The following TMEM266 variants were observed in gnomAD, a reference collection of about 807,000 sequenced individuals.
The protein encoded by TMEM266 is Hv1 related protein 1.
A neutral mutation model predicts 50.5 loss-of-function variants in TMEM266; 33 were observed. The observed-to-expected ratio is 0.65, with a 90% CI of 0.50 to 0.87. TMEM266 has a LOEUF of 0.87. Among genes scored for constraint, TMEM266 ranks in the 40% least tolerant of loss-of-function variants. TMEM266 has a pLI of 0.00. For synonymous variants in TMEM266, 310 were observed against 292.3 expected, an observed-to-expected ratio of 1.06 and a Z score of -0.62; for missense variants, 655 against 695.1, an observed-to-expected ratio of 0.94 and a Z score of 0.65.
chr15:76,159,931 C>A (rs1273903346), intron 4 of TMEM266, among the ~76,000 whole-genome samples, 164 bp from the exon 5 acceptor site: 2 of 152,166 alleles, frequency 1.3e-5, no homozygotes, highest in Non-Finnish European at 2.9e-5. Flanking sequence ...ACTGCAGACG[C>A]CAGCTGAAGC....
intron 1 of TMEM266, among the ~76,000 whole-genome samples, chr15:76,127,102 T>C (rs1413158555): frequency 1.3e-5 from 2 of 152,138 alleles, no homozygotes; most frequent in African/African-American, 4.8e-5. Context: ...AAATCTCCAG[T>C]ATTCTCATTA....
chr15:76,112,497 C>T (rs1021468911), intron 1 of TMEM266: 2 of 152,072 alleles, frequency 1.3e-5, no homozygotes, highest in African/African-American at 4.8e-5. Context: ...CAAATTATTC[C>T]AAGAGAAGAT....
intron 1 of TMEM266, among the ~76,000 whole-genome samples, chr15:76,132,140 G>A (rs1175579806): frequency 1.3e-5 from 2 of 149,818 alleles, no homozygotes; most frequent in South Asian, 2.1e-4. Flanking sequence ...ATGGAGTCTC[G>A]CTCTGTCGCC....
chr15:76,202,242 G>A lies in TMEM266; in HGVS notation c.999G>A (p.Gln333=), dbSNP rs1345428748. 6.2e-7 allele frequency: 1 copy of A among 1,613,960 alleles called. No homozygotes were observed. Among genetic ancestry groups the A allele is most frequent in the South Asian group, 1.1e-5 (1 of 91,060 alleles). Residue 333 remains glutamine (Q), a synonymous_variant, in exon 10 of 11, where the codon CAG becomes CAA. Transcript: ENST00000388942. ...ACGACATGAACAGCTACATCAGTCA[G>A]TATTACAATGGGCCCAGCAGTGGTA...
At chr15:76,114,260 T>C (rs2955762) in intron 1 of TMEM266, 61,059 of 152,046 alleles carry the variant, frequency 0.4, 13,310 homozygotes, top group East Asian at 0.61. Context: ...TGGCTCATGC[T>C]TATAATCCCA....
chr15:76,089,093 C>CAA (rs1213055800), intron 1 of TMEM266, among the ~76,000 whole-genome samples: 9,833 of 45,010 alleles, frequency 0.22, 2,157 homozygotes, highest in African/African-American at 0.33. Flanking sequence ...GACTCTGTCT[C>CAA]AAAAAAAAAA....
At chr15:76,147,127 G>T (rs992533507) in intron 3 of TMEM266, among the ~76,000 whole-genome samples, 2 of 152,198 alleles carry the variant, frequency 1.3e-5, no homozygotes, top group African/African-American at 4.8e-5. Flanking sequence ...CTGTGGAGTC[G>T]AGGAAGAGCT....
rs539849584 is a variant in TMEM266, at chr15:76,072,546, G to A, written c.-97+12530G>A. Reference sequence around the variant, plus strand: ...CTAGGAGTGAGCCTCTGGACAAGTCGCTTCACTTTTCTGGGTCCTGGCATC... The same window carrying A: ...CTAGGAGTGAGCCTCTGGACAAGTCACTTCACTTTTCTGGGTCCTGGCATC... On this transcript the variant is annotated intron_variant, in intron 1 of 10. Coordinates refer to ENST00000388942, the MANE Select transcript of TMEM266 (RefSeq NM_152335.3). Among the ~76,000 whole-genome samples, 183 of 151,858 alleles carry A rather than the reference G, an allele frequency of 1.2e-3. 1 individual carries two copies. Among genetic ancestry groups the A allele is most frequent in the African/African-American group, 4.1e-3 (171 of 41,378 alleles).
At chr15:76,156,216 C>G (rs1409437074) in intron 3 of TMEM266, among the ~76,000 whole-genome samples, 1 of 152,090 alleles carries the variant, frequency 6.6e-6, no homozygotes, top group Non-Finnish European at 1.5e-5. Flanking sequence ...AAAAATTAGC[C>G]GGGCATGGTG....
chr15:76,067,922 A>C (rs1183600867), intron 1 of TMEM266, among the ~76,000 whole-genome samples: 2 of 152,196 alleles, frequency 1.3e-5, no homozygotes, highest in African/African-American at 4.8e-5. Context: ...GCAAAGGGCC[A>C]GCTCTCCCCA....
intron 7 of TMEM266, 92 bp downstream of exon 7, chr15:76,171,223 C>T: frequency 5.3e-6 from 8 of 1,510,324 alleles, no homozygotes; most frequent in Non-Finnish European, 7.1e-6. Flanking sequence ...GGGGTACACC[C>T]TGCTGGCGTC....
chr15:76,090,392 T>A (rs546543518), intron 1 of TMEM266, among the ~76,000 whole-genome samples: 2 of 148,478 alleles, frequency 1.3e-5, no homozygotes, highest in Non-Finnish European at 3.0e-5. Flanking sequence ...CTCAAGAGGC[T>A]GAGGCAGGAG....
intron 1 of TMEM266, among the ~76,000 whole-genome samples, chr15:76,090,214 G>A (rs573729804): frequency 5.3e-5 from 8 of 152,144 alleles, no homozygotes; most frequent in Admixed American, 3.9e-4. Context: ...GAAGAGAGCC[G>A]GGCATGATGG....
At chr15:76,189,590 G>C (rs1355862964) in intron 8 of TMEM266, among the ~76,000 whole-genome samples, 2 of 152,168 alleles carry the variant, frequency 1.3e-5, no homozygotes, top group African/African-American at 4.8e-5. Context: ...TGAGAGTCTG[G>C]GAGGAAGGGG....
At chr15:76,202,657 T>A (rs1338627069) in intron 10 of TMEM266, among the ~76,000 whole-genome samples, 1 of 152,110 alleles carries the variant, frequency 6.6e-6, no homozygotes, top group Non-Finnish European at 1.5e-5. Context: ...AGGCCTTGGG[T>A]ACATTCCTGC....
chr15:76,155,634 A>G (rs928150268), intron 3 of TMEM266, among the ~76,000 whole-genome samples: 1 of 152,178 alleles, frequency 6.6e-6, no homozygotes, highest in Non-Finnish European at 1.5e-5. Flanking sequence ...GCATAAGAGC[A>G]TATTGAAGGC....
intron 1 of TMEM266, among the ~76,000 whole-genome samples, chr15:76,125,928 A>G (rs1596120344): frequency 6.6e-6 from 1 of 151,960 alleles, no homozygotes; most frequent in Non-Finnish European, 1.5e-5. Context: ...GAGACACACG[A>G]ATGGCCAACA....
At chr15:76,162,029 GACAAGCC>G (rs2038025299) in intron 5 of TMEM266, among the ~76,000 whole-genome samples, 1 of 152,198 alleles carries the variant, frequency 6.6e-6, no homozygotes, top group Non-Finnish European at 1.5e-5. Flanking sequence ...CACTGCCGGA[GACAAGCC>G]ACCTGAAACA....
chr15:76,094,315 G>A (rs2141999859), intron 1 of TMEM266, among the ~76,000 whole-genome samples: 1 of 152,182 alleles, frequency 6.6e-6, no homozygotes. Context: ...AAGGGGTCCA[G>A]TTTCAGTTTT....
Sources: gnomAD v4.1 joint callset for allele counts (sites outside exome capture counted in the v4.1 genomes callset) on GRCh38, gnomAD v4.1.1 for gene constraint, MANE v1.5 for transcripts, NCBI Gene and HGNC (gene_info 2026-07-23, HGNC 2026-07-21) for gene names.